Variants in DOK5 observed in about 807,000 individuals in gnomAD.
DOK5 encodes downstream of tyrosine kinase 5.
Under a neutral mutation model 43.3 loss-of-function variants are expected in DOK5, and 27 were observed. The observed-to-expected ratio is 0.62, with a 90% CI of 0.46 to 0.86. The LOEUF (loss-of-function observed/expected upper bound fraction) is 0.86, where lower values mean the gene tolerates loss of function less well. Ranked by LOEUF, DOK5 falls within the 40% of genes least tolerant of loss-of-function variation. The pLI is 0.00. For synonymous variants in DOK5, 146 were observed against 140.1 expected (o/e 1.04, Z -0.30); for missense variants, 373 against 392.9 (o/e 0.95, Z 0.43).
At chr20:54,596,804 G>T (rs1055359129) in intron 5 of DOK5, among the ~76,000 whole-genome samples, 5 of 152,166 alleles carry the variant, frequency 3.3e-5, no homozygotes, top group African/African-American at 9.7e-5. Context: ...GAGGAGTAAA[G>T]ATGGCTTCAG....
At chr20:54,492,937 C>T (rs1230548407) in intron 1 of DOK5, among the ~76,000 whole-genome samples, 1 of 151,548 alleles carries the variant, frequency 6.6e-6, no homozygotes, top group Non-Finnish European at 1.5e-5. Context: ...CGCCTGTAAT[C>T]CCAGTTACTC....
intron 2 of DOK5, among the ~76,000 whole-genome samples, chr20:54,578,453 G>C (rs896572383): frequency 1.3e-5 from 2 of 152,150 alleles, no homozygotes; most frequent in Non-Finnish European, 2.9e-5. Flanking sequence ...GAGGAATTGA[G>C]AAGAGTCAAA....
intron 1 of DOK5, among the ~76,000 whole-genome samples, chr20:54,496,788 A>AG (rs1482014156): frequency 1.0e-4 from 15 of 150,488 alleles, no homozygotes; most frequent in African/African-American, 3.4e-4. Flanking sequence ...AAAAAAAAAG[A>AG]AAAAAATGAA....
chr20:54,526,520 A>G (rs1476096099), intron 1 of DOK5, among the ~76,000 whole-genome samples: 3 of 152,188 alleles, frequency 2.0e-5, no homozygotes, highest in Admixed American at 6.5e-5. Flanking sequence ...TTAGGACCCA[A>G]ACTGAACTTT....
chr20:54,620,753 A>G (rs1008215810), intron 6 of DOK5, among the ~76,000 whole-genome samples: 1 of 152,144 alleles, frequency 6.6e-6, no homozygotes, highest in African/African-American at 2.4e-5. Flanking sequence ...TGCGTACACA[A>G]ATGTTCACGG....
intron 1 of DOK5, among the ~76,000 whole-genome samples, chr20:54,553,144 G>C (rs1984584974): frequency 1.3e-5 from 2 of 152,192 alleles, no homozygotes; most frequent in African/African-American, 4.8e-5. Context: ...CCACCCGTCT[G>C]CACTTGAATA....
At chr20:54,500,823 A>G (rs1982567913) in intron 1 of DOK5, among the ~76,000 whole-genome samples, 1 of 152,074 alleles carries the variant, frequency 6.6e-6, no homozygotes, top group South Asian at 2.1e-4. Flanking sequence ...AGCCTCCCAA[A>G]GTGCTGGGAT....
intron 5 of DOK5, among the ~76,000 whole-genome samples, chr20:54,594,400 A>G (rs1986073337): frequency 6.6e-6 from 1 of 152,184 alleles, no homozygotes; most frequent in Admixed American, 6.5e-5. Context: ...TCAAAAGAAA[A>G]CAACAATGAC....
chr20:54,539,671 G>C (rs1411872120), intron 1 of DOK5, among the ~76,000 whole-genome samples: 1 of 152,168 alleles, frequency 6.6e-6, no homozygotes, highest in Non-Finnish European at 1.5e-5. Context: ...CAGACGCCAT[G>C]AGCCACAGAG....
chr20:54,557,802 G>T (rs1984764161), intron 2 of DOK5, among the ~76,000 whole-genome samples: 1 of 152,152 alleles, frequency 6.6e-6, no homozygotes. Flanking sequence ...GTTGGAAATA[G>T]AACCCACCTA....
intron 6 of DOK5, among the ~76,000 whole-genome samples, chr20:54,637,754 T>C (rs1978890479): frequency 6.6e-6 from 1 of 152,262 alleles, no homozygotes; most frequent in African/African-American, 2.4e-5. Context: ...CATTCATTCA[T>C]TCATTCATCA....
intron 6 of DOK5, among the ~76,000 whole-genome samples, chr20:54,626,842 G>T (rs1354797123): frequency 6.6e-6 from 1 of 152,182 alleles, no homozygotes; most frequent in East Asian, 1.9e-4. Flanking sequence ...GTAATTCAGA[G>T]GTTGACAAAC....
intron 6 of DOK5, among the ~76,000 whole-genome samples, chr20:54,612,154 C>A (rs1018237403): frequency 6.6e-6 from 1 of 152,164 alleles, no homozygotes. Context: ...TTAAAAAGTG[C>A]AGGTTTTTTT....
At chr20:54,603,258 G>A (rs1409829747) in intron 5 of DOK5, among the ~76,000 whole-genome samples, 1 of 152,200 alleles carries the variant, frequency 6.6e-6, no homozygotes, top group Non-Finnish European at 1.5e-5. Context: ...CATAGAAAGG[G>A]CTAGGAAAAC....
chr20:54,543,541 CTGTGTGTGTGTGTG>C (rs74179284), intron 1 of DOK5, among the ~76,000 whole-genome samples: 1 of 143,474 alleles, frequency 7.0e-6, no homozygotes, highest in African/African-American at 2.6e-5. Flanking sequence ...CCTAGAATTG[CTGTGTGTGTGTGTG>C]TGTGTGTGTG....
At chr20:54,649,916 G>A (rs1979618636) in intron 7 of DOK5, among the ~76,000 whole-genome samples, 1 of 152,098 alleles carries the variant, frequency 6.6e-6, no homozygotes, top group Admixed American at 6.5e-5. Context: ...TGTCACAAAG[G>A]GGGCTAATAG....
At chr20:54,567,403 G>A (rs1209187765) in intron 2 of DOK5, among the ~76,000 whole-genome samples, 2 of 151,950 alleles carry the variant, frequency 1.3e-5, no homozygotes, top group African/African-American at 2.4e-5. Flanking sequence ...CCCTGTGATT[G>A]TCCAATTATT....
At chr20:54,574,869 G>A (rs1985404075) in intron 2 of DOK5, among the ~76,000 whole-genome samples, 1 of 152,134 alleles carries the variant, frequency 6.6e-6, no homozygotes, top group African/African-American at 2.4e-5. Context: ...ACATCACCTG[G>A]CTCTAATGAC....
chr20:54,615,912 G>A (rs370327477), intron 6 of DOK5, among the ~76,000 whole-genome samples: 2 of 140,862 alleles, frequency 1.4e-5, no homozygotes, highest in East Asian at 1.9e-4. Flanking sequence ...AAAAAAAAAG[G>A]CATAAAAACA....
Sources: allele counts gnomAD v4.1 joint callset (sites outside exome capture counted in the v4.1 genomes callset), GRCh38; gene constraint gnomAD v4.1.1; transcripts MANE v1.5; gene names NCBI Gene and HGNC (gene_info 2026-07-23, HGNC 2026-07-21).